EPC2: variants seen among roughly 807,000 people sequenced by gnomAD.
EPC2 encodes enhancer of polycomb 2.
In EPC2, 14 loss-of-function variants were observed where a neutral mutation model predicts 92.1. The ratio of observed to expected loss-of-function variants is 0.15; its 90% CI spans 0.10 to 0.24. The LOEUF is 0.24. EPC2 is among the 10% of genes least tolerant of loss of function. The probability of loss-of-function intolerance (pLI) is 1.00; values close to 1 mark genes in which losing one functional copy is unlikely to be tolerated. For synonymous variants in EPC2, 340 were observed against 334.7 expected (o/e 1.02, Z -0.17); for missense variants, 755 against 971.5 (o/e 0.78, Z 2.96).
chr2:148,666,768 A>G (rs553920122), intron 1 of EPC2, among the ~76,000 whole-genome samples: 1 of 152,330 alleles, frequency 6.6e-6, no homozygotes, highest in African/African-American at 2.4e-5. Context: ...AGGCCTACTG[A>G]ATCAGAAATT....
At chr2:148,703,532 TTAG>T (rs1376907865) in intron 2 of EPC2, among the ~76,000 whole-genome samples, 1 of 152,064 alleles carries the variant, frequency 6.6e-6, no homozygotes, top group African/African-American at 2.4e-5. Flanking sequence ...TGTTCTTTTG[TTAG>T]TAGTAGTATT....
chr2:148,647,020 G>A (rs1683817701), intron 1 of EPC2, among the ~76,000 whole-genome samples: 1 of 152,054 alleles, frequency 6.6e-6, no homozygotes, highest in Non-Finnish European at 1.5e-5. Context: ...TGAGGCAGAA[G>A]AATTGCTTGA....
intron 2 of EPC2, among the ~76,000 whole-genome samples, chr2:148,719,383 C>G (rs1454816352): frequency 6.6e-6 from 1 of 152,120 alleles, no homozygotes; most frequent in African/African-American, 2.4e-5. Context: ...GGCTTATCTA[C>G]CTTTGATCTT....
chr2:148,688,277 G>A (rs1451773110), intron 1 of EPC2, among the ~76,000 whole-genome samples: 1 of 152,120 alleles, frequency 6.6e-6, no homozygotes, highest in African/African-American at 2.4e-5. Flanking sequence ...GGATGAAGCT[G>A]GAAACCATCA....
At chr2:148,733,479 ATTTTTTTTTTTTTTT>A (rs34219179) in intron 2 of EPC2, among the ~76,000 whole-genome samples, 24 of 26,680 alleles carry the variant, frequency 9.0e-4, no homozygotes, top group East Asian at 2.6e-3. Context: ...CTCTCTCTGG[ATTTTTTTTTTTTTTT>A]TTTTTTTTTT....
At chr2:148,755,148 A>T (rs1683161879) in intron 4 of EPC2, among the ~76,000 whole-genome samples, 1 of 152,130 alleles carries the variant, frequency 6.6e-6, no homozygotes, top group African/African-American at 2.4e-5. Context: ...ATTCTTGAGG[A>T]TGTGATTTTT....
intron 1 of EPC2, chr2:148,645,473 G>T: frequency 2.8e-6 from 1 of 362,650 alleles, no homozygotes; most frequent in Non-Finnish European, 5.1e-6. Flanking sequence ...GCCGCTCTTG[G>T]CGTACGGTCT....
At chr2:148,778,696 G>A (rs1284508000) in intron 10 of EPC2, among the ~76,000 whole-genome samples, 1 of 152,056 alleles carries the variant, frequency 6.6e-6, no homozygotes, top group Non-Finnish European at 1.5e-5. Context: ...CCAATTTTGT[G>A]TCATTGATTA....
chr2:148,654,376 C>G (rs1412504565), intron 1 of EPC2, among the ~76,000 whole-genome samples: 1 of 152,040 alleles, frequency 6.6e-6, no homozygotes, highest in East Asian at 1.9e-4. Context: ...TAGAGTATTC[C>G]CATACATTAT....
At chr2:148,654,275 G>T (rs1176921128) in intron 1 of EPC2, among the ~76,000 whole-genome samples, 1 of 152,096 alleles carries the variant, frequency 6.6e-6, no homozygotes, top group Non-Finnish European at 1.5e-5. Context: ...AAAAACTTAA[G>T]TCTGTGTCTT....
At chr2:148,678,474 G>A (rs7596498) in intron 1 of EPC2, among the ~76,000 whole-genome samples, 28,661 of 152,198 alleles carry the variant, frequency 0.19, 3,601 homozygotes, top group East Asian at 0.48. Flanking sequence ...GAGGAGGCTC[G>A]GGCTGCGCAG....
At chr2:148,732,429 A>G (rs1426012575) in intron 2 of EPC2, among the ~76,000 whole-genome samples, 2 of 142,508 alleles carry the variant, frequency 1.4e-5, no homozygotes, top group African/African-American at 5.3e-5. Flanking sequence ...TGCGTAGGCT[A>G]GAGTGCAGTG....
intron 1 of EPC2, among the ~76,000 whole-genome samples, chr2:148,656,320 A>G (rs958908458): frequency 3.9e-5 from 6 of 152,172 alleles, no homozygotes; most frequent in Non-Finnish European, 7.4e-5. Flanking sequence ...AAAGCCTTGC[A>G]TTGTGCATAG....
intron 1 of EPC2, chr2:148,645,503 C>G (rs1553536835): frequency 3.7e-6 from 1 of 272,446 alleles, no homozygotes; most frequent in Non-Finnish European, 7.0e-6. Context: ...TTTCCACCTC[C>G]CTCTCTCAGG....
chr2:148,669,873 T>C (rs1284377542), intron 1 of EPC2, among the ~76,000 whole-genome samples: 1 of 152,186 alleles, frequency 6.6e-6, no homozygotes, highest in Non-Finnish European at 1.5e-5. Context: ...TTGAGGTTTT[T>C]CAGTCTTGTT....
chr2:148,737,693 T>C (rs1188395456), intron 2 of EPC2, among the ~76,000 whole-genome samples: 4 of 152,204 alleles, frequency 2.6e-5, no homozygotes, highest in East Asian at 1.9e-4. Flanking sequence ...AGAGTAACTG[T>C]TGATTTCAGC....
At chr2:148,666,608 A>C (rs1681060690) in intron 1 of EPC2, among the ~76,000 whole-genome samples, 1 of 152,188 alleles carries the variant, frequency 6.6e-6, no homozygotes, top group Non-Finnish European at 1.5e-5. Flanking sequence ...TTAAACTCCT[A>C]AATGCTTACA....
intron 1 of EPC2, among the ~76,000 whole-genome samples, chr2:148,676,779 T>G (rs1435873319): frequency 7.1e-4 from 1 of 1,418 alleles, no homozygotes; most frequent in South Asian, 0.071. Flanking sequence ...ATTTAGGTGC[T>G]CTCTCTCTCT....
At chr2:148,692,031 G>A (rs1574585561) in intron 2 of EPC2, 1 of 327,068 alleles carries the variant, frequency 3.1e-6, no homozygotes, top group East Asian at 8.0e-5. Context: ...TGAATATTAG[G>A]TTCTTTGTAA....
Sources: allele counts gnomAD v4.1 joint callset (sites outside exome capture counted in the v4.1 genomes callset), GRCh38; gene constraint gnomAD v4.1.1; transcripts MANE v1.5; gene names NCBI Gene and HGNC (gene_info 2026-07-23, HGNC 2026-07-21).